Variants in SYT14 observed in about 807,000 individuals in gnomAD.
SYT14 encodes synaptotagmin 14, also known as synaptotagmin-14.
A neutral mutation model predicts 74.2 loss-of-function variants in SYT14; 32 were observed. That is an observed-to-expected ratio of 0.43 (90% confidence interval 0.33 to 0.58). The LOEUF (loss-of-function observed/expected upper bound fraction) is 0.58, where lower values mean the gene tolerates loss of function less well. Among genes scored for constraint, SYT14 ranks in the 20% least tolerant of loss-of-function variants. The pLI, the probability that SYT14 is intolerant of heterozygous loss-of-function variation, is 0.05. For synonymous variants in SYT14, 298 were observed against 337.7 expected (o/e 0.88, Z 1.29); for missense variants, 791 against 981.8 (o/e 0.81, Z 2.60).
At chr1:209,938,506 G>C (rs1344624783) in intron 1 of SYT14, among the ~76,000 whole-genome samples, 2 of 152,000 alleles carry the variant, frequency 1.3e-5, no homozygotes, top group Middle Eastern at 3.4e-3. Context: ...TGGTTTTGCC[G>C]GCCTCCCGGC....
chr1:210,113,437 G>A (rs923886029), intron 7 of SYT14, among the ~76,000 whole-genome samples: 3 of 151,256 alleles, frequency 2.0e-5, no homozygotes, highest in East Asian at 3.9e-4. Context: ...AGACTTGTCC[G>A]GTTTTTGGAC....
intron 7 of SYT14, among the ~76,000 whole-genome samples, chr1:210,124,265 A>G (rs556953291): frequency 2.0e-5 from 3 of 152,072 alleles, no homozygotes; most frequent in Non-Finnish European, 4.4e-5. Flanking sequence ...ATAAATAAAT[A>G]ACTCCAGGAA....
chr1:210,001,906 C>T (rs1189710075), intron 2 of SYT14, among the ~76,000 whole-genome samples: 1 of 152,062 alleles, frequency 6.6e-6, no homozygotes, highest in African/African-American at 2.4e-5. Flanking sequence ...GAAATGAGGT[C>T]AGAGTAGTCA....
chr1:209,963,368 T>C (rs1358821722), intron 2 of SYT14, among the ~76,000 whole-genome samples: 1 of 152,160 alleles, frequency 6.6e-6, no homozygotes, highest in Non-Finnish European at 1.5e-5. Context: ...AGTTTAGATT[T>C]CTCTCTCCTA....
chr1:210,008,139 A>G (rs1200848638), intron 2 of SYT14, among the ~76,000 whole-genome samples: 3 of 152,174 alleles, frequency 2.0e-5, no homozygotes, highest in Admixed American at 2.0e-4. Context: ...CTTGTAAAGG[A>G]CTTAAAACAG....
At chr1:210,132,567 TTGTGTGTGTGTGTGTGTG>T (rs3031264) in intron 7 of SYT14, among the ~76,000 whole-genome samples, 2 of 144,998 alleles carry the variant, frequency 1.4e-5, no homozygotes, top group African/African-American at 5.1e-5. Flanking sequence ...ATTTTATATA[TTGTGTGTGTGTGTGTGTG>T]TGTGTGTGTG....
chr1:209,981,035 G>C (rs942976260), intron 2 of SYT14, among the ~76,000 whole-genome samples: 4 of 152,054 alleles, frequency 2.6e-5, no homozygotes, highest in African/African-American at 9.7e-5. Flanking sequence ...AATTACTTTG[G>C]GCAGTATGAA....
At chr1:209,989,742 A>G (rs1217380333) in intron 2 of SYT14, among the ~76,000 whole-genome samples, 1 of 152,166 alleles carries the variant, frequency 6.6e-6, no homozygotes, top group African/African-American at 2.4e-5. Context: ...GTTAACTAGT[A>G]GATATATGGT....
chr1:210,064,151 A>G (rs1336827599), intron 5 of SYT14, among the ~76,000 whole-genome samples: 2 of 152,174 alleles, frequency 1.3e-5, no homozygotes, highest in East Asian at 3.9e-4. Flanking sequence ...TTAAATCATA[A>G]TATATGCCTT....
chr1:209,953,461 C>G (rs963775190), intron 2 of SYT14, among the ~76,000 whole-genome samples: 2 of 152,172 alleles, frequency 1.3e-5, no homozygotes, highest in African/African-American at 2.4e-5. Flanking sequence ...ACTTGGGGCA[C>G]TTTCTTTTCT....
intron 7 of SYT14, among the ~76,000 whole-genome samples, chr1:210,127,857 C>G (rs2082598158): frequency 6.6e-6 from 1 of 151,944 alleles, no homozygotes; most frequent in Non-Finnish European, 1.5e-5. Context: ...GAAACCTCGT[C>G]TCTACTAAAA....
chr1:210,121,407 G>C (rs904271587), intron 7 of SYT14, among the ~76,000 whole-genome samples: 2 of 152,150 alleles, frequency 1.3e-5, no homozygotes, highest in Non-Finnish European at 2.9e-5. Flanking sequence ...TAAAAGTACC[G>C]TTATTACAAC....
intron 2 of SYT14, among the ~76,000 whole-genome samples, chr1:210,008,853 C>T (rs894426783): frequency 3.3e-5 from 5 of 152,070 alleles, no homozygotes; most frequent in African/African-American, 9.7e-5. Flanking sequence ...AATTCTACTC[C>T]TATAATGAAT....
Position 210,169,221 on chromosome 1 carries a change from G to GTTTTTTTTTTTTTT in SYT14, c.*8196_*8209dup, listed in dbSNP as rs35974726. ...CTTTTTTGGTTTTTATGTTTTTGGT[G>GTTTTTTTTTTTTTT]TTTTTTTTTTTTTTTTTTTTTTTTT... On this transcript the variant is annotated 3_prime_UTR_variant, in exon 10 of 10. Transcript: ENST00000637265. 11 of 50,234 alleles carry GTTTTTTTTTTTTTT rather than the reference G, an allele frequency of 2.2e-4. 1 individual carries two copies. Among genetic ancestry groups the GTTTTTTTTTTTTTT allele is most frequent in the African/African-American group, 6.2e-4 (8 of 12,848 alleles). 3.1% of individuals were successfully genotyped at this position (50,234 alleles called of 1,614,324 possible).
At chr1:210,121,908 A>G (rs2082475131) in intron 7 of SYT14, among the ~76,000 whole-genome samples, 1 of 152,106 alleles carries the variant, frequency 6.6e-6, no homozygotes, top group Middle Eastern at 3.2e-3. Context: ...GTAGTAACTC[A>G]TATTACATTG....
chr1:209,962,205 A>G (rs2079085691), intron 2 of SYT14, among the ~76,000 whole-genome samples: 2 of 151,842 alleles, frequency 1.3e-5, no homozygotes, highest in Admixed American at 6.6e-5. Context: ...AAATATTGTC[A>G]TAATATGATT....
rs904807601 is a variant in SYT14 at position 209,981,516 on chromosome 1, A to G, written c.-486+28760A>G. Among the ~76,000 whole-genome samples the G allele has an allele frequency of 1.5e-4, 21 of 142,668 alleles. No homozygotes were observed. In the East Asian group the frequency reaches 2.9e-3, roughly 20 times the overall value. The allele number at this position is 142,668 out of a possible 152,430, so 93.6% of individuals were successfully genotyped here. A position where few individuals can be genotyped will look rare whatever the true frequency, so the allele number is the denominator to read the frequency against. On this transcript the variant is annotated intron_variant, in intron 2 of 9. Transcript: ENST00000637265. ...GCCCAAGCTAGAGAGCAGTGTTGCA[A>G]TTGTAGCTCACTGCACCTCAAACTT...
At chr1:210,098,884 G>C (rs1434052358) in intron 6 of SYT14, among the ~76,000 whole-genome samples, 1 of 152,012 alleles carries the variant, frequency 6.6e-6, no homozygotes, top group Non-Finnish European at 1.5e-5. Context: ...CATGTTAGTA[G>C]AGATTCACCA....
intron 5 of SYT14, among the ~76,000 whole-genome samples, chr1:210,035,994 G>A (rs1176577591): frequency 6.6e-6 from 1 of 152,034 alleles, no homozygotes; most frequent in Non-Finnish European, 1.5e-5. Context: ...AACACTTTGT[G>A]TAGTATGGTC....
Sources: gnomAD v4.1 joint callset for allele counts (sites outside exome capture counted in the v4.1 genomes callset) on GRCh38, gnomAD v4.1.1 for gene constraint, MANE v1.5 for transcripts, NCBI Gene and HGNC (gene_info 2026-07-23, HGNC 2026-07-21) for gene names.